Variants in SDK1 observed in about 807,000 individuals in gnomAD.
The protein encoded by SDK1 is protein sidekick-1.
Under a neutral mutation model 245.5 loss-of-function variants are expected in SDK1, and 157 were observed. The ratio of observed to expected loss-of-function variants is 0.64; its 90% CI spans 0.56 to 0.73. The LOEUF is 0.73. Among genes scored for constraint, SDK1 ranks in the 30% least tolerant of loss-of-function variants. The probability of loss-of-function intolerance (pLI) is 0.00; values close to 1 mark genes in which losing one functional copy is unlikely to be tolerated. For synonymous variants in SDK1, 1,647 were observed against 1,278.5 expected (o/e 1.29, Z -6.15); for missense variants, 3,583 against 3,002.3 (o/e 1.19, Z -4.52).
At chr7:3,405,427 G>A (rs1170536791) in intron 1 of SDK1, among the ~76,000 whole-genome samples, 2 of 152,100 alleles carry the variant, frequency 1.3e-5, no homozygotes, top group Non-Finnish European at 2.9e-5. Flanking sequence ...GCTGACCACC[G>A]GTTTTTGTAT....
At chr7:3,341,471 C>T (rs946846438) in intron 1 of SDK1, among the ~76,000 whole-genome samples, 8 of 152,150 alleles carry the variant, frequency 5.3e-5, no homozygotes, top group African/African-American at 1.9e-4. Flanking sequence ...CTTACCTTTG[C>T]TGTCCAAAAC....
At chr7:3,987,113 G>A (rs570708719) in intron 13 of SDK1, 73 bp from the exon 14 acceptor site, 1 of 1,509,666 alleles carries the variant, frequency 6.6e-7, no homozygotes, top group East Asian at 2.3e-5. Flanking sequence ...ACGGTCTGCT[G>A]TAAGAGCTCA....
At chr7:3,823,879 G>A (rs1227800844) in intron 5 of SDK1, among the ~76,000 whole-genome samples, 1 of 152,114 alleles carries the variant, frequency 6.6e-6, no homozygotes, top group East Asian at 1.9e-4. Flanking sequence ...ATTCTTAGGA[G>A]AACCTTCCTG....
Position 3,362,561 on chromosome 7 carries a change from AT to A in SDK1, c.298+60683del, listed in dbSNP as rs547959841. On this transcript the variant is annotated intron_variant, in intron 1 of 44. Coordinates refer to ENST00000404826, the MANE Select transcript of SDK1 (RefSeq NM_152744.4). ...CCTCATTAAAATATTAAACTTAAAA[AT>A]TTTTTAAAGCATAATTGCGTTTTTC... 2.8e-3 allele frequency among the ~76,000 whole-genome samples: 422 copies of A among 152,278 alleles called. 3 individuals are homozygous for A. Among genetic ancestry groups the A allele is most frequent in the African/African-American group, 9.6e-3 (400 of 41,546 alleles).
chr7:3,390,685 T>G (rs916345448), intron 1 of SDK1, among the ~76,000 whole-genome samples: 16 of 152,268 alleles, frequency 1.1e-4, no homozygotes, highest in Admixed American at 9.8e-4. Context: ...ATTGGAGTTA[T>G]GCTGCCGAAG....
chr7:4,155,616 C>A (rs889797284), intron 30 of SDK1, among the ~76,000 whole-genome samples: 3 of 152,180 alleles, frequency 2.0e-5, no homozygotes, highest in Admixed American at 1.3e-4. Context: ...TAAGCATAAT[C>A]GCAAATAAAT....
chr7:3,944,164 A>G (rs889471728), intron 5 of SDK1, among the ~76,000 whole-genome samples: 1 of 152,234 alleles, frequency 6.6e-6, no homozygotes, highest in African/African-American at 2.4e-5. Context: ...AAGATTATCA[A>G]CTTTGGATGA....
At position 3,528,491 on chromosome 7, in the gene SDK1, G is replaced by A. The variant is rs577635265; in HGVS notation, c.299-90589G>A. 2.6e-5 allele frequency among the ~76,000 whole-genome samples: 4 copies of A among 152,126 alleles called. No individual in the cohort carries two copies. In the East Asian group the frequency reaches 7.7e-4, roughly 29 times the overall value. Reference sequence around the variant, plus strand: ...TCTTTTAGGCATAAGAGAAGGCCATGGAGGATTTTGAGTAGGGTTGGGCTG... The same window carrying A: ...TCTTTTAGGCATAAGAGAAGGCCATAGAGGATTTTGAGTAGGGTTGGGCTG... On this transcript the variant is annotated intron_variant, in intron 1 of 44. Coordinates refer to ENST00000404826, the MANE Select transcript of SDK1 (RefSeq NM_152744.4).
chr7:3,604,161 C>T (rs1054045157), intron 1 of SDK1, among the ~76,000 whole-genome samples: 1 of 152,166 alleles, frequency 6.6e-6, no homozygotes, highest in South Asian at 2.1e-4. Context: ...GGTTGTGTCT[C>T]TGCCAGGCTT....
chr7:3,830,058 A>T (rs971129336), intron 5 of SDK1, among the ~76,000 whole-genome samples: 1 of 152,164 alleles, frequency 6.6e-6, no homozygotes, highest in Non-Finnish European at 1.5e-5. Flanking sequence ...GTAAGACATG[A>T]TCTGTCCCAG....
intron 13 of SDK1, among the ~76,000 whole-genome samples, chr7:3,978,412 C>T (rs1251041269): frequency 6.6e-6 from 1 of 152,212 alleles, no homozygotes; most frequent in African/African-American, 2.4e-5. Flanking sequence ...AATAGGCTTT[C>T]TCTAACGGTA....
At chr7:3,564,233 T>C (rs1026536745) in intron 1 of SDK1, among the ~76,000 whole-genome samples, 5 of 152,016 alleles carry the variant, frequency 3.3e-5, no homozygotes, top group African/African-American at 1.2e-4. Flanking sequence ...AGAATAATAA[T>C]AATAACACCT....
At chr7:3,986,505 A>G (rs960848106) in intron 13 of SDK1, among the ~76,000 whole-genome samples, 8 of 152,234 alleles carry the variant, frequency 5.3e-5, no homozygotes, top group African/African-American at 1.9e-4. Context: ...CATATGTGGC[A>G]TTTCCATGAC....
intron 1 of SDK1, among the ~76,000 whole-genome samples, chr7:3,397,312 A>T (rs953173098): frequency 2.0e-5 from 3 of 151,894 alleles, no homozygotes; most frequent in African/African-American, 7.2e-5. Context: ...AATTTTTTTC[A>T]TATGGATTTG....
In SDK1 at chr7:4,245,742, C is replaced by A. The variant is rs775866388; in HGVS notation, c.6318C>A (p.Asn2106Lys). ...YSDEDICNKY[N>K]GAVLTESVSL... is the part of the protein sequence containing the mutation. ...ACGAGGACATCTGCAACAAGTACAA[C>A]GGCGCCGTGCTGACCGAGAGCGTGA... The change falls in exon 44 of 45, where the codon AAC becomes AAA. Residue 2106 changes from asparagine to lysine, a missense_variant. Coordinates refer to ENST00000404826, the MANE Select transcript of SDK1 (RefSeq NM_152744.4). The A allele has an allele frequency of 2.4e-5, 39 of 1,614,066 alleles. 1 individual carries two copies. The highest frequency in any genetic ancestry group is 3.1e-5 in the Non-Finnish European group (37 of 1,179,974).
At chr7:3,682,186 G>A (rs1280171296) in intron 4 of SDK1, among the ~76,000 whole-genome samples, 2 of 152,264 alleles carry the variant, frequency 1.3e-5, no homozygotes, top group South Asian at 4.2e-4. Context: ...GAGATGATAG[G>A]CAACCCAGGT....
At chr7:4,191,378 C>G (rs974748557) in intron 35 of SDK1, among the ~76,000 whole-genome samples, 2 of 152,240 alleles carry the variant, frequency 1.3e-5, no homozygotes, top group Non-Finnish European at 2.9e-5. Flanking sequence ...ACTCATCTGA[C>G]GTCCATCACT....
intron 5 of SDK1, among the ~76,000 whole-genome samples, chr7:3,869,568 CA>C (rs1233414209): frequency 6.6e-6 from 1 of 152,210 alleles, no homozygotes; most frequent in Non-Finnish European, 1.5e-5. Context: ...CCTGTGCCCC[CA>C]GCCCGCTGCG....
rs115054197 is a variant in SDK1 at position 3,791,761 on chromosome 7, G to C, written c.714-29689G>C. On this transcript the variant is annotated intron_variant, in intron 4 of 44. Coordinates refer to ENST00000404826, the MANE Select transcript of SDK1 (RefSeq NM_152744.4). The stretch of plus-strand genomic sequence containing the variant: ...TGATCTGTTCGGAGAGTGCTCTATG[G>C]ATGCCATTCTTTTCTGGGTCTTTTG... Among the ~76,000 whole-genome samples, 471 of 152,248 alleles carry C rather than the reference G, an allele frequency of 3.1e-3. 5 individuals are homozygous for C. The highest frequency in any genetic ancestry group is 0.011 in the African/African-American group (452 of 41,522).
Sources: gnomAD v4.1 joint callset for allele counts (sites outside exome capture counted in the v4.1 genomes callset) on GRCh38, gnomAD v4.1.1 for gene constraint, MANE v1.5 for transcripts, NCBI Gene and HGNC (gene_info 2026-07-23, HGNC 2026-07-21) for gene names.